The following CNTN5 variants were observed in gnomAD, a reference collection of about 807,000 sequenced individuals.
CNTN5 encodes the protein contactin-5.
Under a neutral mutation model 129.1 loss-of-function variants are expected in CNTN5, and 77 were observed. That is an observed-to-expected ratio of 0.60 (90% CI 0.50 to 0.72). The LOEUF is 0.72. Among genes scored for constraint, CNTN5 ranks in the 30% least tolerant of loss-of-function variants. The pLI, the probability that CNTN5 is intolerant of heterozygous loss-of-function variation, is 0.00. For missense variants in CNTN5, 1,478 were observed against 1,328.8 expected, an observed-to-expected ratio of 1.11 and a Z score of -1.75; for synonymous variants, 509 against 465.6, an observed-to-expected ratio of 1.09 and a Z score of -1.20.
chr11:100,302,506 C>T (rs2138901358), intron 20 of CNTN5, among the ~76,000 whole-genome samples: 1 of 151,746 alleles, frequency 6.6e-6, no homozygotes, highest in South Asian at 2.1e-4. Context: ...AGGAGTGAGA[C>T]TGCCTTACTA....
chr11:100,279,914 T>C (rs1393558569), intron 18 of CNTN5, among the ~76,000 whole-genome samples: 2 of 149,522 alleles, frequency 1.3e-5, no homozygotes, highest in Non-Finnish European at 3.0e-5. Flanking sequence ...CTTTTTCTTT[T>C]TTTTTTTTTT....
chr11:100,210,174 CA>C (rs59613776), intron 15 of CNTN5, among the ~76,000 whole-genome samples: 15,588 of 81,068 alleles, frequency 0.19, 1,379 homozygotes, highest in East Asian at 0.39. Flanking sequence ...TGCCTCTATA[CA>C]AAAAAAAAAA....
At chr11:99,853,339 AAT>A (rs1025498509) in intron 6 of CNTN5, among the ~76,000 whole-genome samples, 1 of 152,040 alleles carries the variant, frequency 6.6e-6, no homozygotes, top group Admixed American at 6.6e-5. Flanking sequence ...TGTGTGTGTG[AAT>A]ATATATATGT....
At chr11:99,181,397 C>T (rs906803677) in intron 1 of CNTN5, among the ~76,000 whole-genome samples, 12 of 152,138 alleles carry the variant, frequency 7.9e-5, no homozygotes, top group African/African-American at 2.2e-4. Flanking sequence ...AAAAGAAGTC[C>T]AGGTTGGATT....
At chr11:100,299,519 C>A in intron 20 of CNTN5, 123 bp downstream of exon 20, 1 of 571,552 alleles carries the variant, frequency 1.7e-6, no homozygotes, top group East Asian at 3.3e-5. Flanking sequence ...CATAATCTCA[C>A]TAAACTTTTT....
chr11:100,274,526 G>GA (rs1415250852), intron 18 of CNTN5, among the ~76,000 whole-genome samples: 2 of 151,954 alleles, frequency 1.3e-5, no homozygotes, highest in Non-Finnish European at 2.9e-5. Context: ...AAATTTACAA[G>GA]AAAAAAACAA....
intron 17 of CNTN5, among the ~76,000 whole-genome samples, chr11:100,265,910 A>T (rs1465015903): frequency 6.6e-6 from 1 of 152,112 alleles, no homozygotes; most frequent in South Asian, 2.1e-4. Context: ...TAGCTGACAT[A>T]GTTTTTGATT....
At chr11:100,167,379 A>G (rs1432861554) in intron 13 of CNTN5, among the ~76,000 whole-genome samples, 1 of 151,808 alleles carries the variant, frequency 6.6e-6, no homozygotes, top group Non-Finnish European at 1.5e-5. Context: ...AAAGCAGGCA[A>G]AATTTGAGAT....
intron 1 of CNTN5, among the ~76,000 whole-genome samples, chr11:99,294,579 T>C (rs1383331367): frequency 3.3e-5 from 5 of 152,204 alleles, no homozygotes; most frequent in Non-Finnish European, 7.3e-5. Flanking sequence ...AATATTGTTA[T>C]AAATTTCATA....
intron 8 of CNTN5, among the ~76,000 whole-genome samples, chr11:99,958,793 T>C (rs1195113800): frequency 2.6e-5 from 4 of 152,210 alleles, no homozygotes; most frequent in African/African-American, 9.6e-5. Context: ...CTGAAAATTA[T>C]AACTTTTTTG....
chr11:99,114,470 C>T (rs368638527), intron 1 of CNTN5, among the ~76,000 whole-genome samples: 1 of 146,486 alleles, frequency 6.8e-6, no homozygotes, highest in South Asian at 2.2e-4. Context: ...TTCCTTCCTC[C>T]TTCTCCTTTT....
At chr11:99,161,026 T>A (rs997088355) in intron 1 of CNTN5, among the ~76,000 whole-genome samples, 2 of 152,102 alleles carry the variant, frequency 1.3e-5, no homozygotes, top group African/African-American at 4.8e-5. Flanking sequence ...TGGGGAAAGT[T>A]TGTGACAGAA....
Position 99,947,020 on chromosome 11 carries a change from G to T in CNTN5, c.674-9786G>T, listed in dbSNP as rs371197825. ...TATAAGCATGATTCTACATGATTATGAAAATGAGTATGTTTTACATTATAA... is the reference window on the plus strand; with the variant it reads ...TATAAGCATGATTCTACATGATTATTAAAATGAGTATGTTTTACATTATAA... On this transcript the variant is annotated intron_variant, in intron 7 of 24. Coordinates refer to ENST00000524871, the MANE Select transcript of CNTN5 (RefSeq NM_014361.4). Among the ~76,000 whole-genome samples, 11 of 101,326 alleles carry T rather than the reference G, an allele frequency of 1.1e-4. No individual in the cohort carries two copies. The East Asian group carries it at 1.3e-3, about 12-fold the overall frequency. The allele number at this position is 101,326 out of a possible 152,430, so 66.5% of individuals were successfully genotyped here. A position where few individuals can be genotyped will look rare whatever the true frequency, so the allele number is the denominator to read the frequency against.
chr11:99,462,355 C>CTTTTCTTTTTTTTTTTTTTTTTTTTT (rs1944736843), intron 2 of CNTN5, among the ~76,000 whole-genome samples: 1 of 88,334 alleles, frequency 1.1e-5, no homozygotes, highest in African/African-American at 3.9e-5. Flanking sequence ...TTTTTCTTTT[C>CTTTTCTTTTTTTTTTTTTTTTTTTTT]TTTTCTTTTT....
chr11:100,247,960 T>A (rs971267657), intron 16 of CNTN5, among the ~76,000 whole-genome samples: 2 of 152,108 alleles, frequency 1.3e-5, no homozygotes, highest in Non-Finnish European at 2.9e-5. Context: ...ATTAATCTAA[T>A]CTTCCAGACA....
chr11:99,262,769 ATTCTT>A (rs1439154488), intron 1 of CNTN5, among the ~76,000 whole-genome samples: 1 of 151,968 alleles, frequency 6.6e-6, no homozygotes, highest in Admixed American at 6.6e-5. Flanking sequence ...GTTAAATTGA[ATTCTT>A]TTATTTAAAA....
At chr11:99,820,409 G>A (rs928374136) in intron 4 of CNTN5, among the ~76,000 whole-genome samples, 1 of 152,408 alleles carries the variant, frequency 6.6e-6, no homozygotes, top group South Asian at 2.1e-4. Context: ...TATATACTTA[G>A]CATTACTTAT....
intron 1 of CNTN5, among the ~76,000 whole-genome samples, chr11:99,190,228 T>A (rs1373360516): frequency 1.3e-5 from 2 of 151,660 alleles, no homozygotes; most frequent in Admixed American, 1.3e-4. Flanking sequence ...ATTTCTGGGG[T>A]TTCTATTCTG....
intron 13 of CNTN5, among the ~76,000 whole-genome samples, chr11:100,091,571 G>T (rs2138000695): frequency 6.6e-6 from 1 of 151,466 alleles, no homozygotes; most frequent in African/African-American, 2.4e-5. Context: ...TGAGATTACA[G>T]GTGCCCACCA....
Sources: allele counts gnomAD v4.1 joint callset (sites outside exome capture counted in the v4.1 genomes callset), GRCh38; gene constraint gnomAD v4.1.1; transcripts MANE v1.5; gene names NCBI Gene and HGNC (gene_info 2026-07-23, HGNC 2026-07-21).